Variants in PARD3B observed in about 807,000 individuals in gnomAD.
PARD3B encodes partitioning defective 3 homolog B.
A neutral mutation model predicts 130.2 loss-of-function variants in PARD3B; 103 were observed. That is an observed-to-expected ratio of 0.79 (90% CI 0.67 to 0.93). The LOEUF is 0.93. Among genes scored for constraint, PARD3B ranks in the 40% least tolerant of loss-of-function variants. PARD3B has a pLI of 0.00. For synonymous variants in PARD3B, 583 were observed against 553.2 expected (o/e 1.05, Z -0.76); for missense variants, 1,609 against 1,499.2 (o/e 1.07, Z -1.21).
At chr2:205,479,416 C>G (rs1246595332) in intron 20 of PARD3B, among the ~76,000 whole-genome samples, 1 of 152,156 alleles carries the variant, frequency 6.6e-6, no homozygotes, top group Non-Finnish European at 1.5e-5. Flanking sequence ...TATTGGGGGA[C>G]TAGACAAAGA....
Position 205,112,062 on chromosome 2 carries a change from CA to C in PARD3B, c.594-1426del, listed in dbSNP as rs578198034. On this transcript the variant is annotated intron_variant, in intron 5 of 22. Transcript: ENST00000406610. The stretch of plus-strand genomic sequence containing the variant: ...ATATACATATGAGTGTTCATATCCT[CA>C]AATATATAGAATCATTTAATACTAT... Among the ~76,000 whole-genome samples the C allele has an allele frequency of 1.6e-4, 25 of 152,122 alleles. No individual in the cohort carries two copies. In the South Asian group the frequency reaches 5.0e-3, roughly 30 times the overall value.
intron 20 of PARD3B, among the ~76,000 whole-genome samples, chr2:205,447,136 C>G (rs188394120): frequency 2.6e-5 from 4 of 152,202 alleles, no homozygotes; most frequent in African/African-American, 9.6e-5. Flanking sequence ...AAGACATATA[C>G]CAAATAGAGA....
intron 21 of PARD3B, among the ~76,000 whole-genome samples, chr2:205,551,938 G>C (rs967739024): frequency 2.0e-5 from 3 of 152,172 alleles, no homozygotes; most frequent in Non-Finnish European, 2.9e-5. Context: ...GGATATCCAA[G>C]AGCAAAAGGA....
At chr2:205,262,071 A>G (rs563428217) in intron 16 of PARD3B, among the ~76,000 whole-genome samples, 1 of 152,230 alleles carries the variant, frequency 6.6e-6, no homozygotes, top group African/African-American at 2.4e-5. Context: ...ATCTTTCTAA[A>G]GTCTAGATAT....
In PARD3B at chr2:205,124,123, A is replaced by G. The variant is rs78400758; in HGVS notation, c.1166-204A>G. Among the ~76,000 whole-genome samples the G allele has an allele frequency of 2.3e-4, 35 of 152,336 alleles. No homozygotes were observed. The East Asian group carries it at 3.9e-3, about 17-fold the overall frequency. On this transcript the variant is annotated intron_variant, in intron 8 of 22. Coordinates refer to ENST00000406610, the MANE Select transcript of PARD3B (RefSeq NM_001302769.2). The stretch of plus-strand genomic sequence containing the variant: ...GTTACACATCTGGATTGGGCCCTAA[A>G]TTCACTTTGATACTGTCATGGCCTG...
chr2:205,557,043 A>G (rs2052920864), intron 22 of PARD3B, among the ~76,000 whole-genome samples: 1 of 151,874 alleles, frequency 6.6e-6, no homozygotes, highest in Non-Finnish European at 1.5e-5. Context: ...ATGGGATCCC[A>G]TTATCCCCCT....
intron 1 of PARD3B, among the ~76,000 whole-genome samples, chr2:204,597,715 T>C (rs1374208097): frequency 6.6e-6 from 1 of 152,186 alleles, no homozygotes; most frequent in Non-Finnish European, 1.5e-5. Context: ...TGGTACATTA[T>C]AGGCACTTGG....
At position 205,290,586 on chromosome 2, in the gene PARD3B, A is replaced by G. The variant is rs564182411; in HGVS notation, c.2186-9944A>G. On this transcript the variant is annotated intron_variant, in intron 16 of 22. Coordinates refer to ENST00000406610, the MANE Select transcript of PARD3B (RefSeq NM_001302769.2). The stretch of plus-strand genomic sequence containing the variant: ...AAGGGAAATCACAAAATACCTTTGG[A>G]AATCCCCTCAATTCACCATAGAGAA... 4.6e-5 allele frequency among the ~76,000 whole-genome samples: 7 copies of G among 152,334 alleles called. 1 individual carries two copies. In the South Asian group the frequency reaches 1.2e-3, roughly 27 times the overall value.
chr2:204,910,877 T>A (rs961367903), intron 2 of PARD3B, among the ~76,000 whole-genome samples: 6 of 152,110 alleles, frequency 3.9e-5, no homozygotes, highest in African/African-American at 1.4e-4. Context: ...CTCCTGACCC[T>A]GTGATCCACC....
intron 2 of PARD3B, among the ~76,000 whole-genome samples, chr2:204,714,641 G>A (rs753616303): frequency 6.6e-6 from 1 of 152,116 alleles, no homozygotes; most frequent in African/African-American, 2.4e-5. Flanking sequence ...CAGATACAGC[G>A]AGAATATGCA....
In PARD3B at chr2:205,128,630, G is replaced by A. The variant is rs1222965525; in HGVS notation, c.1434+2893G>A. 6.6e-6 allele frequency among the ~76,000 whole-genome samples: 1 copy of A among 152,134 alleles called. No homozygotes were observed. The highest frequency in any genetic ancestry group is 1.5e-5 in the Non-Finnish European group (1 of 68,012). On this transcript the variant is annotated intron_variant, in intron 10 of 22. Coordinates refer to ENST00000406610, the MANE Select transcript of PARD3B (RefSeq NM_001302769.2). This position sits in a 1 kb window ranked among gnomAD's most constrained non-coding sequence, Gnocchi z 4.5. ...TGAGATAATACAGGCAAAGCTTGTA[G>A]CATAGTTTCTGGCTAATTGTAAGTT...
intron 21 of PARD3B, among the ~76,000 whole-genome samples, chr2:205,534,954 C>G (rs1051773063): frequency 6.6e-6 from 1 of 152,128 alleles, no homozygotes; most frequent in Middle Eastern, 3.2e-3. Flanking sequence ...TCCAGACTGC[C>G]AAAACCAGAG....
Position 205,113,549 on chromosome 2 carries a change from G to C in PARD3B, c.652G>C (p.Val218Leu). The C allele has an allele frequency of 6.2e-7, 1 of 1,612,922 alleles. No homozygotes were observed. Among genetic ancestry groups the C allele is most frequent in the East Asian group, 2.2e-5 (1 of 44,826 alleles). The change falls in exon 6 of 23, where the codon GTG becomes CTG. Residue 218 changes from valine (V) to leucine (L), a missense_variant. By Grantham distance (32) the Val-to-Leu change is conservative. Coordinates refer to ENST00000406610, the MANE Select transcript of PARD3B (RefSeq NM_001302769.2). ...AGGAGGCCCATTGGGAATACATGTA[G>C]TGCCCTTCTTTTCATCTCTGAGTGG... ...GEGGPLGIHV[V>L]PFFSSLSGRI...
chr2:205,567,795 T>G lies in PARD3B; in HGVS notation c.3260+14392T>G, dbSNP rs116009488. On this transcript the variant is annotated intron_variant, in intron 22 of 22. Coordinates refer to ENST00000406610, the MANE Select transcript of PARD3B (RefSeq NM_001302769.2). Reference sequence around the variant, plus strand: ...GGGATTTGAGAGCAAGTGATTTTATTTGAGAAGCGATCCCAGGAAGCATTG... The same window carrying G: ...GGGATTTGAGAGCAAGTGATTTTATGTGAGAAGCGATCCCAGGAAGCATTG... Among the ~76,000 whole-genome samples, 740 of 150,304 alleles carry G rather than the reference T, an allele frequency of 4.9e-3. 7 individuals are homozygous for G. The highest frequency in any genetic ancestry group is 0.016 in the African/African-American group (672 of 40,890).
At position 205,295,299 on chromosome 2, in the gene PARD3B, C is replaced by A. The variant is rs545769149; in HGVS notation, c.2186-5231C>A. ...TCCAAGTTGACTGCTCATAATAAGG[C>A]AAGGCCAAATTGATAATAAAAGCAA... On this transcript the variant is annotated intron_variant, in intron 16 of 22. Coordinates refer to ENST00000406610, the MANE Select transcript of PARD3B (RefSeq NM_001302769.2). 2.0e-5 allele frequency among the ~76,000 whole-genome samples: 3 copies of A among 152,282 alleles called. No homozygotes were observed. In the East Asian group the frequency reaches 5.8e-4, roughly 29 times the overall value.
chr2:204,912,946 A>T (rs2047297896), intron 2 of PARD3B, among the ~76,000 whole-genome samples: 1 of 152,248 alleles, frequency 6.6e-6, no homozygotes, highest in Admixed American at 6.5e-5. Flanking sequence ...TGACTTTCAA[A>T]GGGGTTATTA....
Position 205,301,767 on chromosome 2 carries a change from G to A in PARD3B, c.2630+66G>A. 1 of 1,613,796 alleles carries A rather than the reference G, an allele frequency of 6.2e-7. No individual in the cohort carries two copies. The highest frequency in any genetic ancestry group is 8.5e-7 in the Non-Finnish European group (1 of 1,179,714). On this transcript the variant is annotated intron_variant, in intron 18 of 22. Transcript: ENST00000406610. This position sits in a 1 kb window ranked among gnomAD's most constrained non-coding sequence, Gnocchi z 5.2. Reference sequence around the variant, plus strand: ...TCTCTCCTGGTAAAATCACTCCTTTGTCTGTACTCAGAAAAAAGCGCACGC... The same window carrying A: ...TCTCTCCTGGTAAAATCACTCCTTTATCTGTACTCAGAAAAAAGCGCACGC...
chr2:205,129,528 T>C (rs1413149382), intron 10 of PARD3B, among the ~76,000 whole-genome samples: 1 of 152,222 alleles, frequency 6.6e-6, no homozygotes, highest in Non-Finnish European at 1.5e-5. Flanking sequence ...ACACTTGACT[T>C]TCCATTGAAA....
intron 1 of PARD3B, among the ~76,000 whole-genome samples, chr2:204,634,054 G>A (rs536766154): frequency 6.6e-6 from 1 of 152,096 alleles, no homozygotes; most frequent in East Asian, 1.9e-4. Flanking sequence ...TACCCTATTT[G>A]CTATCAAATA....
Sources: gnomAD v4.1 joint callset for allele counts (sites outside exome capture counted in the v4.1 genomes callset) on GRCh38, gnomAD v4.1.1 for gene constraint, Gnocchi (gnomAD v3.1) non-coding constraint, MANE v1.5 for transcripts, NCBI Gene and HGNC (gene_info 2026-07-23, HGNC 2026-07-21) for gene names.